The following TOX2 variants were observed in gnomAD, a reference collection of about 807,000 sequenced individuals.
TOX2 encodes granulosa cell HMG box 1.
Under a neutral mutation model 47.4 loss-of-function variants are expected in TOX2, and 15 were observed. That is an observed-to-expected ratio of 0.32 (90% CI 0.21 to 0.49). The LOEUF (loss-of-function observed/expected upper bound fraction) is 0.49. TOX2 is among the 20% of genes least tolerant of loss of function. The probability of loss-of-function intolerance (pLI) is 0.99; values close to 1 mark genes in which losing one functional copy is unlikely to be tolerated. For synonymous variants in TOX2, 290 were observed against 296.6 expected (o/e 0.98, Z 0.23); for missense variants, 622 against 673.1 (o/e 0.92, Z 0.84).
At chr20:43,936,987 C>T (rs529882832) in intron 1 of TOX2, among the ~76,000 whole-genome samples, 6 of 152,308 alleles carry the variant, frequency 3.9e-5, no homozygotes, top group African/African-American at 1.4e-4. Flanking sequence ...GGGAACAAGA[C>T]AGGCCTTGTG....
intron 1 of TOX2, among the ~76,000 whole-genome samples, chr20:43,959,630 T>C (rs1479857367): frequency 1.3e-5 from 2 of 152,374 alleles, no homozygotes; most frequent in East Asian, 1.9e-4. Flanking sequence ...GCTTGTTTTG[T>C]AGTGCTGGGG....
intron 3 of TOX2, among the ~76,000 whole-genome samples, chr20:44,049,791 C>T (rs546328342): frequency 6.6e-6 from 1 of 152,306 alleles, no homozygotes; most frequent in Non-Finnish European, 1.5e-5. Flanking sequence ...TGGCTTCCAG[C>T]TCCATCCATG....
chr20:44,054,829 CAACCCT>C (rs2071590552), intron 5 of TOX2, among the ~76,000 whole-genome samples: 2 of 152,192 alleles, frequency 1.3e-5, no homozygotes, highest in African/African-American at 4.8e-5. Context: ...CTTGTCCCAC[CAACCCT>C]AAAAGTCTGG....
chr20:43,998,285 C>T (rs943117104), intron 2 of TOX2, among the ~76,000 whole-genome samples: 8 of 152,210 alleles, frequency 5.3e-5, no homozygotes, highest in Non-Finnish European at 1.5e-5. Context: ...TACAATTTGA[C>T]ATGAGATTTG....
At chr20:43,948,956 T>A (rs2069514337) in intron 1 of TOX2, among the ~76,000 whole-genome samples, 1 of 152,192 alleles carries the variant, frequency 6.6e-6, no homozygotes, top group Admixed American at 6.5e-5. Context: ...CCCTGGGTCT[T>A]CCTTGCTGTG....
rs2071580541 is a variant in TOX2 at position 44,054,365 on chromosome 20, A to G, written c.718A>G (p.Lys240Glu). Residue 240 changes from lysine (K) to glutamate (E), a missense_variant, in exon 5 of 9, where the codon AAG becomes GAG. Transcript: ENST00000341197. ...KKAKNPKKKK[K>E]KDPNEPQKPV... ...GGCCAAGAACCCGAAGAAGAAGAAA[A>G]AGAAGGACCCCAATGAGCCGCAGAA... is the stretch of plus-strand genomic sequence containing the variant. The G allele has an allele frequency of 6.2e-7, 1 of 1,612,066 alleles. No individual in the cohort carries two copies. Among genetic ancestry groups the G allele is most frequent in the East Asian group, 2.2e-5 (1 of 44,878 alleles).
intron 1 of TOX2, among the ~76,000 whole-genome samples, chr20:43,922,391 T>A (rs976267322): frequency 3.9e-5 from 6 of 152,106 alleles, no homozygotes; most frequent in African/African-American, 1.4e-4. Context: ...GAACCAGTGA[T>A]GTGGGAAGAA....
intron 1 of TOX2, among the ~76,000 whole-genome samples, chr20:43,937,302 G>C (rs1169365245): frequency 6.6e-6 from 1 of 152,148 alleles, no homozygotes; most frequent in Non-Finnish European, 1.5e-5. Flanking sequence ...CTTCTGGTTC[G>C]CAAAGGTCCC....
chr20:43,977,461 C>T (rs1358363655), intron 2 of TOX2, among the ~76,000 whole-genome samples: 1 of 152,154 alleles, frequency 6.6e-6, no homozygotes, highest in African/African-American at 2.4e-5. Flanking sequence ...AACACTTCTC[C>T]TGAGATGCCA....
intron 2 of TOX2, among the ~76,000 whole-genome samples, chr20:43,979,457 G>A (rs138558005): frequency 2.3e-3 from 357 of 152,084 alleles, no homozygotes; most frequent in Non-Finnish European, 3.6e-3. Context: ...GAAGAGAGGG[G>A]ATCTAGGTGA....
At chr20:43,938,769 G>A (rs931340978) in intron 1 of TOX2, among the ~76,000 whole-genome samples, 29 of 152,318 alleles carry the variant, frequency 1.9e-4, no homozygotes, top group African/African-American at 6.5e-4. Context: ...GCCACCACAT[G>A]GCAGGCAAAG....
intron 1 of TOX2, among the ~76,000 whole-genome samples, chr20:43,938,609 G>A (rs144083809): frequency 2.6e-5 from 4 of 152,306 alleles, no homozygotes; most frequent in East Asian, 1.9e-4. Flanking sequence ...GATGGCCAGC[G>A]AGGTGGTGGC....
intron 1 of TOX2, among the ~76,000 whole-genome samples, chr20:43,960,044 C>A (rs1044929666): frequency 1.3e-5 from 2 of 152,204 alleles, no homozygotes; most frequent in Admixed American, 1.3e-4. Flanking sequence ...CCTCCCTCGA[C>A]CTCAGTCTCC....
chr20:43,925,321 G>A (rs1043137337), intron 1 of TOX2, among the ~76,000 whole-genome samples: 1 of 152,110 alleles, frequency 6.6e-6, no homozygotes, highest in African/African-American at 2.4e-5. Context: ...GTGACTGCGT[G>A]GGTGGGCAGG....
At chr20:44,050,278 TA>T (rs1243757327) in intron 3 of TOX2, among the ~76,000 whole-genome samples, 12 of 152,156 alleles carry the variant, frequency 7.9e-5, no homozygotes, top group African/African-American at 2.7e-4. Flanking sequence ...AAGGGATAGC[TA>T]AAGACAAAGA....
At chr20:44,032,871 G>A (rs773861346) in intron 3 of TOX2, among the ~76,000 whole-genome samples, 2 of 152,140 alleles carry the variant, frequency 1.3e-5, no homozygotes, top group Non-Finnish European at 2.9e-5. Context: ...CTCTGCCGGC[G>A]GCTTCATATT....
At chr20:43,950,046 C>T (rs2069534670) in intron 1 of TOX2, among the ~76,000 whole-genome samples, 1 of 151,954 alleles carries the variant, frequency 6.6e-6, no homozygotes, top group African/African-American at 2.4e-5. Flanking sequence ...TTTGGAGGGT[C>T]ACGAGGATTG....
At chr20:43,985,842 G>A (rs2070254814) in intron 2 of TOX2, among the ~76,000 whole-genome samples, 1 of 152,122 alleles carries the variant, frequency 6.6e-6, no homozygotes, top group Non-Finnish European at 1.5e-5. Context: ...GGTGCTTAGA[G>A]CAGAGTGAGG....
intron 1 of TOX2, among the ~76,000 whole-genome samples, chr20:43,949,250 A>T (rs2069518894): frequency 6.6e-6 from 1 of 152,162 alleles, no homozygotes; most frequent in Admixed American, 6.5e-5. Context: ...ATCCAACTGC[A>T]CTTGCTGCTG....
Sources: gnomAD v4.1 joint callset for allele counts (sites outside exome capture counted in the v4.1 genomes callset) on GRCh38, gnomAD v4.1.1 for gene constraint, MANE v1.5 for transcripts, NCBI Gene and HGNC (gene_info 2026-07-23, HGNC 2026-07-21) for gene names.